The following TXNDC16 variants were observed in gnomAD, a reference collection of about 807,000 sequenced individuals.
TXNDC16 encodes thioredoxin domain-containing protein 16.
In TXNDC16, 74 loss-of-function variants were observed where a neutral mutation model predicts 85.6. That is an observed-to-expected ratio of 0.86 (90% CI 0.72 to 1.05). The LOEUF is 1.05. TXNDC16 is among the 50% of genes least tolerant of loss of function. The pLI is 0.00. For missense variants in TXNDC16, 959 were observed against 947.0 expected, an observed-to-expected ratio of 1.01 and a Z score of -0.17; for synonymous variants, 335 against 326.5, an observed-to-expected ratio of 1.03 and a Z score of -0.28.
intron 4 of TXNDC16, among the ~76,000 whole-genome samples, chr14:52,541,973 T>G (rs2037840593): frequency 6.6e-6 from 1 of 152,168 alleles, no homozygotes; most frequent in African/African-American, 2.4e-5. Flanking sequence ...AATTATTTGT[T>G]TACCTCCATT....
chr14:52,513,540 T>C (rs2037005218), intron 8 of TXNDC16, among the ~76,000 whole-genome samples: 1 of 151,922 alleles, frequency 6.6e-6, no homozygotes, highest in Admixed American at 6.6e-5. Context: ...AAAAACAGGA[T>C]AAGAAGATAA....
In TXNDC16 at chr14:52,525,101, A is replaced by G. The variant is rs147084663; in HGVS notation, c.393-5808T>C. ...CACGCCATTGCACTCCAGCCTGGGC[A>G]ACATGAGCGAAACTAAAAAAAAAGA... On this transcript the variant is annotated intron_variant, in intron 6 of 20. Transcript: ENST00000281741. Among the ~76,000 whole-genome samples, 75 of 151,938 alleles carry G rather than the reference A, an allele frequency of 4.9e-4. No homozygotes were observed. In the East Asian group the frequency reaches 0.014, roughly 29 times the overall value.
At chr14:52,522,257 T>A (rs1469162052) in intron 6 of TXNDC16, among the ~76,000 whole-genome samples, 1 of 152,196 alleles carries the variant, frequency 6.6e-6, no homozygotes, top group Non-Finnish European at 1.5e-5. Flanking sequence ...TTGTTTGCAA[T>A]AAAGACTGGC....
chr14:52,545,957 CT>C (rs571634578), intron 1 of TXNDC16, among the ~76,000 whole-genome samples: 2 of 150,242 alleles, frequency 1.3e-5, no homozygotes, highest in Non-Finnish European at 3.0e-5. Flanking sequence ...TTTTTTTTTT[CT>C]TTTTTTACCT....
At chr14:52,521,168 A>G (rs1314649642) in intron 6 of TXNDC16, among the ~76,000 whole-genome samples, 1 of 151,930 alleles carries the variant, frequency 6.6e-6, no homozygotes, top group East Asian at 1.9e-4. Context: ...GCTAGAGTGC[A>G]GTGGCACGAT....
chr14:52,525,797 T>TC (rs1411173987), intron 6 of TXNDC16, among the ~76,000 whole-genome samples: 4 of 151,044 alleles, frequency 2.6e-5, no homozygotes, highest in African/African-American at 9.7e-5. Flanking sequence ...TCTCTCAGTA[T>TC]CCTCAGGGGA....
intron 7 of TXNDC16, 68 bp from the exon 8 acceptor site, chr14:52,515,038 A>G (rs1387543351): frequency 7.9e-6 from 9 of 1,137,352 alleles, no homozygotes; most frequent in Non-Finnish European, 1.2e-5. Flanking sequence ...GTAAACTTCT[A>G]TTCTGAATAT....
chr14:52,529,700 A>AAT (rs1491469747), intron 6 of TXNDC16, among the ~76,000 whole-genome samples: 1 of 112,566 alleles, frequency 8.9e-6, no homozygotes, highest in Non-Finnish European at 1.6e-5. Flanking sequence ...TATTATATAT[A>AAT]ATATATATAA....
chr14:52,464,451 T>G (rs1470672337), intron 16 of TXNDC16, among the ~76,000 whole-genome samples: 1 of 152,178 alleles, frequency 6.6e-6, no homozygotes, highest in East Asian at 1.9e-4. Context: ...AAGACTTAAA[T>G]TCTTCTTGGA....
intron 9 of TXNDC16, among the ~76,000 whole-genome samples, chr14:52,509,827 A>G (rs193207132): frequency 6.6e-6 from 1 of 152,050 alleles, no homozygotes; most frequent in East Asian, 1.9e-4. Flanking sequence ...AAAATACAAA[A>G]AAATTAGCCA....
chr14:52,440,772 T>C (rs778858417), intron 18 of TXNDC16, 48 bp from the exon 19 acceptor site: 24 of 1,532,712 alleles, frequency 1.6e-5, no homozygotes, highest in Non-Finnish European at 1.6e-5. Context: ...TTGGGGATGA[T>C]AATGCATACC....
chr14:52,467,360 T>A (rs536039444), intron 16 of TXNDC16, among the ~76,000 whole-genome samples: 1 of 152,210 alleles, frequency 6.6e-6, no homozygotes, highest in Admixed American at 6.5e-5. Context: ...AAATCTTTGA[T>A]AAAGGATAAT....
intron 6 of TXNDC16, among the ~76,000 whole-genome samples, chr14:52,527,558 G>T (rs55830080): frequency 2.0e-5 from 3 of 152,104 alleles, no homozygotes; most frequent in Admixed American, 1.3e-4. Flanking sequence ...CAGAGAGGAA[G>T]AGTAAGTGTG....
intron 14 of TXNDC16, among the ~76,000 whole-genome samples, chr14:52,473,431 T>C (rs528178333): frequency 1.3e-5 from 2 of 152,344 alleles, no homozygotes; most frequent in East Asian, 3.9e-4. Flanking sequence ...TTCCTTTCAA[T>C]AAGCATCCTC....
chr14:52,444,102 G>A (rs1204695384), intron 18 of TXNDC16, among the ~76,000 whole-genome samples: 1 of 152,144 alleles, frequency 6.6e-6, no homozygotes, highest in Non-Finnish European at 1.5e-5. Flanking sequence ...GAATGTTGAG[G>A]AGGAATGGTA....
chr14:52,511,716 G>A (rs936853267), intron 8 of TXNDC16, among the ~76,000 whole-genome samples: 3 of 151,892 alleles, frequency 2.0e-5, no homozygotes, highest in Non-Finnish European at 4.4e-5. Context: ...GTCACCTTGC[G>A]GACAATGAGA....
chr14:52,482,150 A>T, intron 14 of TXNDC16, 80 bp downstream of exon 14: 1 of 1,321,678 alleles, frequency 7.6e-7, no homozygotes, highest in Non-Finnish European at 1.0e-6. Context: ...GTGGTTTTCT[A>T]TATTTTTTGC....
At chr14:52,474,605 C>T (rs2035979441) in intron 14 of TXNDC16, among the ~76,000 whole-genome samples, 1 of 152,090 alleles carries the variant, frequency 6.6e-6, no homozygotes, top group African/African-American at 2.4e-5. Context: ...TGGTGCACAC[C>T]TGTAATCCTA....
chr14:52,482,422 T>C (rs1164891673), intron 13 of TXNDC16, 133 bp from the exon 14 acceptor site: 5 of 759,992 alleles, frequency 6.6e-6, no homozygotes, highest in Non-Finnish European at 1.0e-5. Flanking sequence ...ACTATACATT[T>C]CTCAACATAG....
Sources: gnomAD v4.1 joint callset for allele counts (sites outside exome capture counted in the v4.1 genomes callset) on GRCh38, gnomAD v4.1.1 for gene constraint, MANE v1.5 for transcripts, NCBI Gene and HGNC (gene_info 2026-07-23, HGNC 2026-07-21) for gene names.